Variants in CENPO observed in about 807,000 individuals in gnomAD.
CENPO encodes centromeric protein O.
Under a neutral mutation model 36.1 loss-of-function variants are expected in CENPO, and 30 were observed. The observed-to-expected ratio is 0.83, with a 90% CI of 0.62 to 1.13. The LOEUF (loss-of-function observed/expected upper bound fraction) is 1.13, where lower values mean the gene tolerates loss of function less well. CENPO is among the 50% of genes most tolerant of loss of function. The pLI, the probability that CENPO is intolerant of heterozygous loss-of-function variation, is 0.00. For synonymous variants in CENPO, 171 were observed against 142.3 expected, an observed-to-expected ratio of 1.20 and a Z score of -1.44; for missense variants, 349 against 357.8, an observed-to-expected ratio of 0.98 and a Z score of 0.20.
intron 3 of CENPO, among the ~76,000 whole-genome samples, chr2:24,804,473 C>T (rs1212348903): frequency 6.6e-6 from 1 of 152,062 alleles, no homozygotes; most frequent in Non-Finnish European, 1.5e-5. Flanking sequence ...ACCGGTTGTT[C>T]CTTTCCACGT....
intron 3 of CENPO, among the ~76,000 whole-genome samples, chr2:24,808,702 C>G (rs1476472954): frequency 6.6e-6 from 1 of 151,948 alleles, no homozygotes; most frequent in African/African-American, 2.4e-5. Flanking sequence ...CATAGTAAAC[C>G]TAATTTGGTT....
rs1278064974 is a variant in CENPO at position 24,811,203 on chromosome 2, C to T, written c.217-3173C>T. Among the ~76,000 whole-genome samples the T allele has an allele frequency of 2.6e-5, 4 of 151,788 alleles. No individual in the cohort carries two copies. In the East Asian group the frequency reaches 7.8e-4, roughly 29 times the overall value. On this transcript the variant is annotated intron_variant, in intron 3 of 7. Coordinates refer to ENST00000380834, the MANE Select transcript of CENPO (RefSeq NM_001322101.2). ...CAAGTGATCTGCCGGTCCTGGCCTG[C>T]CAAAGTGCTGGGATTATAGGTGTGA... is the stretch of plus-strand genomic sequence containing the variant.
Position 24,820,775 on chromosome 2 carries a change from T to C in CENPO, c.*1457T>C, listed in dbSNP as rs749621110. 4 of 1,614,106 alleles carry C rather than the reference T, an allele frequency of 2.5e-6. No individual in the cohort carries two copies. Among genetic ancestry groups the C allele is most frequent in the South Asian group, 2.2e-5 (2 of 91,078 alleles). On this transcript the variant is annotated 3_prime_UTR_variant, in exon 8 of 8. Transcript: ENST00000380834. Reference sequence around the variant, plus strand: ...ACTCCATCCTGCTGGCTACATTGACTGTATTGCCCCAGATGTCGTAGTGTG... The same window carrying C: ...ACTCCATCCTGCTGGCTACATTGACCGTATTGCCCCAGATGTCGTAGTGTG...
rs533927083 is a variant in CENPO at position 24,820,652 on chromosome 2, G to A, written c.*1334G>A. The stretch of plus-strand genomic sequence containing the variant: ...GGGCCAGGGTGGGAGGCAGGGGCAC[G>A]TGGGAAAGCACTGTTCCGGTTTTGT... On this transcript the variant is annotated 3_prime_UTR_variant, in exon 8 of 8. Transcript: ENST00000380834. 235 of 1,592,212 alleles carry A rather than the reference G, an allele frequency of 1.5e-4. No individual in the cohort carries two copies. In the East Asian group the frequency reaches 2.5e-3, roughly 17 times the overall value.
At chr2:24,806,067 C>T (rs576916383) in intron 3 of CENPO, among the ~76,000 whole-genome samples, 4 of 152,338 alleles carry the variant, frequency 2.6e-5, no homozygotes, top group Non-Finnish European at 4.4e-5. Flanking sequence ...GCAGTTTGAT[C>T]TCAGCCTGTT....
Position 24,821,622 on chromosome 2 carries a change from C to G in CENPO, c.*2304C>G. On this transcript the variant is annotated 3_prime_UTR_variant, in exon 8 of 8. Coordinates refer to ENST00000380834, the MANE Select transcript of CENPO (RefSeq NM_001322101.2). ...AGGTCAGCCAGGTGCTGCCAGCGCT[C>G]TCTCTCGGACTTGTCTTCCTGTGCC... 6.2e-7 allele frequency: 1 copy of G among 1,614,090 alleles called. No individual in the cohort carries two copies. The highest frequency in any genetic ancestry group is 1.1e-5 in the South Asian group (1 of 91,070).
Position 24,799,791 on chromosome 2 carries a change from C to CT in CENPO, c.164dup (p.Arg56LysfsTer6). 6.2e-7 allele frequency: 1 copy of CT among 1,613,932 alleles called. No homozygotes were observed. Among genetic ancestry groups the CT allele is most frequent in the Non-Finnish European group, 8.5e-7 (1 of 1,180,020 alleles). ...TGCTCTTGGAACCAAGATTCATAAA[C>CT]TAAGGCGTCTGCGAGATGAGCTGAG... On this transcript the variant is annotated frameshift_variant, in exon 3 of 8. Transcript: ENST00000380834. LOFTEE classifies it high-confidence loss of function.
chr2:24,796,889 C>T (rs909844835), intron 2 of CENPO, among the ~76,000 whole-genome samples: 1 of 151,824 alleles, frequency 6.6e-6, no homozygotes, highest in Non-Finnish European at 1.5e-5. Flanking sequence ...AGACGCTGGG[C>T]GGGTTTGAGA....
At chr2:24,807,795 C>T in intron 3 of CENPO, among the ~76,000 whole-genome samples, 1 of 152,124 alleles carries the variant, frequency 6.6e-6, no homozygotes, top group East Asian at 1.9e-4. Flanking sequence ...CCAATACTTG[C>T]TATTGTCAGT....
Position 24,821,480 on chromosome 2 carries a change from G to A in CENPO, c.*2162G>A. 1 of 1,609,372 alleles carries A rather than the reference G, an allele frequency of 6.2e-7. No homozygotes were observed. The highest frequency in any genetic ancestry group is 8.5e-7 in the Non-Finnish European group (1 of 1,177,248). ...TGGGCCAGGCCCCTGCATGGGAAGG[G>A]AGCCTGCTGCGGGGCAGGCCAGCTG... On this transcript the variant is annotated 3_prime_UTR_variant, in exon 8 of 8. Transcript: ENST00000380834.
In CENPO at chr2:24,820,257, AGCC is replaced by A; in HGVS notation, c.*940_*942del. On this transcript the variant is annotated 3_prime_UTR_variant, in exon 8 of 8. Coordinates refer to ENST00000380834, the MANE Select transcript of CENPO (RefSeq NM_001322101.2). Reference sequence around the variant, plus strand: ...ACACTCCCCAAACCTCCCAGGGCCAAGCCCTTCCACCCGTGGCGAGCAGCGGGT... The same window carrying A: ...ACACTCCCCAAACCTCCCAGGGCCAACTTCCACCCGTGGCGAGCAGCGGGT... The A allele has an allele frequency of 5.0e-6, 6 of 1,202,500 alleles. No individual in the cohort carries two copies. The highest frequency in any genetic ancestry group is 6.6e-6 in the Non-Finnish European group (6 of 913,774). 74.5% of individuals were successfully genotyped at this position (1,202,500 alleles called of 1,614,324 possible).
intron 3 of CENPO, among the ~76,000 whole-genome samples, chr2:24,809,598 A>AT (rs1163771566): frequency 6.6e-6 from 1 of 151,318 alleles, no homozygotes; most frequent in Non-Finnish European, 1.5e-5. Flanking sequence ...AAGTTTTGAT[A>AT]TATTTTCATT....
At chr2:24,796,757 GA>G (rs2148249041) in intron 2 of CENPO, among the ~76,000 whole-genome samples, 1 of 152,334 alleles carries the variant, frequency 6.6e-6, no homozygotes, top group South Asian at 2.1e-4. Context: ...AGGTTTCCCT[GA>G]GGAAATGCTG....
rs1400638185 is a variant in CENPO, at chr2:24,816,645, G to C, written c.595-1G>C. On this transcript the variant is annotated splice_acceptor_variant, in intron 5 of 7. Transcript: ENST00000380834. LOFTEE classifies it high-confidence loss of function. Reference sequence around the variant, plus strand: ...TTCGTTTTGTTCCTCACCCCTCTTAGAGTGACTTTGCAGCCCTCCTGACTG... The same window carrying C: ...TTCGTTTTGTTCCTCACCCCTCTTACAGTGACTTTGCAGCCCTCCTGACTG... 1.9e-6 allele frequency: 3 copies of C among 1,603,278 alleles called. No homozygotes were observed. Among genetic ancestry groups the C allele is most frequent in the African/African-American group, 1.3e-5 (1 of 74,694 alleles).
chr2:24,817,752 G>A lies in CENPO; in HGVS notation c.849G>A (p.Val283=). The A allele has an allele frequency of 6.2e-7, 1 of 1,614,242 alleles. No homozygotes were observed. Residue 283 remains valine, a synonymous_variant, in exon 7 of 8, where the codon GTG becomes GTA. Coordinates refer to ENST00000380834, the MANE Select transcript of CENPO (RefSeq NM_001322101.2). ...TCTGTACGAAGCCCTTGCATCAAGT[G>A]TTTGCCTCATTTACAAGAAAAGGAG... ...TLFCTKPLHQ[V]FASFTRKGEK... is the part of the protein sequence containing the mutation.
intron 3 of CENPO, among the ~76,000 whole-genome samples, chr2:24,802,603 T>C (rs1666209460): frequency 6.6e-6 from 1 of 152,244 alleles, no homozygotes; most frequent in Admixed American, 6.5e-5. Flanking sequence ...TTTTTGTCTT[T>C]GGTTCTGTTT....
chr2:24,820,153 G>T lies in CENPO; in HGVS notation c.*835G>T. The T allele has an allele frequency of 6.6e-7, 1 of 1,504,582 alleles. No individual in the cohort carries two copies. Among genetic ancestry groups the T allele is most frequent in the South Asian group, 1.3e-5 (1 of 76,450 alleles). 93.2% of individuals were successfully genotyped at this position (1,504,582 alleles called of 1,614,324 possible). ...GGGAGCAAGAACGTGGCGTTACGGG[G>T]GGAGCCTAGACTGAGGGCGGGTGGG... On this transcript the variant is annotated 3_prime_UTR_variant, in exon 8 of 8. Coordinates refer to ENST00000380834, the MANE Select transcript of CENPO (RefSeq NM_001322101.2).
At chr2:24,818,910 G>A (rs1188693130) in intron 7 of CENPO, among the ~76,000 whole-genome samples, 1 of 152,248 alleles carries the variant, frequency 6.6e-6, no homozygotes, top group Non-Finnish European at 1.5e-5. Context: ...ACTTAACCCT[G>A]CAATGGCCAC....
chr2:24,805,086 T>A (rs1485886941), intron 3 of CENPO, among the ~76,000 whole-genome samples: 1 of 152,210 alleles, frequency 6.6e-6, no homozygotes, highest in Non-Finnish European at 1.5e-5. Flanking sequence ...TCATCTTCCA[T>A]CACTGATGCC....
Sources: gnomAD v4.1 joint callset for allele counts (sites outside exome capture counted in the v4.1 genomes callset) on GRCh38, gnomAD v4.1.1 for gene constraint, MANE v1.5 for transcripts, NCBI Gene and HGNC (gene_info 2026-07-23, HGNC 2026-07-21) for gene names.